MGAT4C: variants seen among roughly 807,000 people sequenced by gnomAD.
The protein encoded by MGAT4C is alpha-1,3-mannosyl-glycoprotein 4-beta-N-acetylglucosaminyltransferase C.
In MGAT4C, 19 loss-of-function variants were observed where a neutral mutation model predicts 40.1. The ratio of observed to expected loss-of-function variants is 0.47; its 90% CI spans 0.33 to 0.70. The LOEUF (loss-of-function observed/expected upper bound fraction) is 0.70, where lower values mean the gene tolerates loss of function less well. MGAT4C is among the 30% of genes least tolerant of loss of function. The pLI, the probability that MGAT4C is intolerant of heterozygous loss-of-function variation, is 0.02. For synonymous variants in MGAT4C, 181 were observed against 187.1 expected (o/e 0.97, Z 0.27); for missense variants, 491 against 563.2 (o/e 0.87, Z 1.30).
At chr12:86,621,109 A>T (rs1962621607) in intron 2 of MGAT4C, among the ~76,000 whole-genome samples, 1 of 152,110 alleles carries the variant, frequency 6.6e-6, no homozygotes, top group Non-Finnish European at 1.5e-5. Context: ...AATAAAATTT[A>T]AAAAATTATA....
chr12:86,171,363 C>T (rs1886827640), intron 1 of MGAT4C, among the ~76,000 whole-genome samples: 1 of 151,962 alleles, frequency 6.6e-6, no homozygotes, highest in African/African-American at 2.4e-5. Context: ...GAGTGAAATT[C>T]CATCTCAAAA....
intron 1 of MGAT4C, among the ~76,000 whole-genome samples, chr12:86,247,049 T>C (rs1952067738): frequency 6.6e-6 from 1 of 152,198 alleles, no homozygotes; most frequent in Admixed American, 6.5e-5. Context: ...ATGATGAGTC[T>C]GTATCTCTTC....
intron 1 of MGAT4C, among the ~76,000 whole-genome samples, chr12:86,058,329 T>C (rs914884113): frequency 6.6e-6 from 1 of 152,114 alleles, no homozygotes; most frequent in African/African-American, 2.4e-5. Context: ...AAAAAATCTA[T>C]AAAATATTTT....
At position 86,484,423 on chromosome 12, in the gene MGAT4C, C is replaced by T. The variant is rs148509021; in HGVS notation, c.-228-49158G>A. On this transcript the variant is annotated intron_variant, in intron 2 of 7. Coordinates refer to the MGAT4C transcript ENST00000548651. ...GCCCCTCCCTGGCTACTCTCACAGACGTATGTGCACAGTACAGCCTCTGCT... is the reference window on the plus strand; with the variant it reads ...GCCCCTCCCTGGCTACTCTCACAGATGTATGTGCACAGTACAGCCTCTGCT... 3.4e-3 allele frequency among the ~76,000 whole-genome samples: 524 copies of T among 152,340 alleles called. 3 individuals are homozygous for T. Among genetic ancestry groups the T allele is most frequent in the African/African-American group, 0.012 (479 of 41,588 alleles).
At chr12:86,384,762 G>A (rs540199970) in intron 3 of MGAT4C, among the ~76,000 whole-genome samples, 9 of 152,194 alleles carry the variant, frequency 5.9e-5, no homozygotes, top group Non-Finnish European at 8.8e-5. Context: ...TCTGTTTAAC[G>A]TCCAGTAATC....
intron 1 of MGAT4C, among the ~76,000 whole-genome samples, chr12:86,805,321 G>A (rs1952330554): frequency 6.6e-6 from 1 of 151,670 alleles, no homozygotes; most frequent in African/African-American, 2.4e-5. Context: ...TATCACCCAG[G>A]TACTGAGCAT....
rs1401538098 is a variant in MGAT4C at position 85,983,666 on chromosome 12, C to T, written c.152G>A (p.Gly51Glu). 8.3e-6 allele frequency: 13 copies of T among 1,565,298 alleles called. No homozygotes were observed. The highest frequency in any genetic ancestry group is 1.0e-5 in the Non-Finnish European group (12 of 1,158,618). ...LYIEDSYVLE[G>E]DKQLIRETST... The stretch of plus-strand genomic sequence containing the variant: ...TGTTTCCCTTATAAGTTGTTTGTCT[C>T]CTTCCTAAATACCAAGAAAGAAGCA... Residue 51 changes from glycine to glutamate, a missense_variant, in exon 4 of 5, where the codon GGA becomes GAA. By Grantham distance (98) the Gly-to-Glu change is moderately conservative. Coordinates refer to ENST00000611864, the MANE Select transcript of MGAT4C (RefSeq NM_001351288.2).
At chr12:86,159,603 A>G (rs1000761955) in intron 1 of MGAT4C, among the ~76,000 whole-genome samples, 31 of 151,178 alleles carry the variant, frequency 2.1e-4, no homozygotes, top group African/African-American at 7.5e-4. Flanking sequence ...GAATTGGTAT[A>G]TTTTTTTTCT....
intron 2 of MGAT4C, among the ~76,000 whole-genome samples, chr12:86,601,877 C>T (rs373177153): frequency 4.6e-5 from 7 of 152,316 alleles, no homozygotes; most frequent in African/African-American, 1.7e-4. Context: ...TCTGGGAGTC[C>T]ATGCCTTCAG....
intron 2 of MGAT4C, among the ~76,000 whole-genome samples, chr12:86,593,269 T>G (rs1200146239): frequency 6.6e-6 from 1 of 152,104 alleles, no homozygotes; most frequent in African/African-American, 2.4e-5. Flanking sequence ...TTAAGTATTT[T>G]TTTTTTGGTC....
chr12:86,257,471 C>T (rs188139326), upstream of MGAT4C, among the ~76,000 whole-genome samples: 43 of 152,274 alleles, frequency 2.8e-4, no homozygotes, highest in East Asian at 7.9e-3. Context: ...GCTCAGCATG[C>T]GAACAGTACA....
At chr12:86,256,032 T>C (rs1952501840) in intron 1 of MGAT4C, among the ~76,000 whole-genome samples, 1 of 152,158 alleles carries the variant, frequency 6.6e-6, no homozygotes, top group Non-Finnish European at 1.5e-5. Context: ...GCCTTTCATT[T>C]TCTGCTGCAA....
In MGAT4C at chr12:85,977,790, A is replaced by T. The variant is rs1252373166; in HGVS notation, c.*1499T>A. 2.2e-5 allele frequency: 1 copy of T among 45,558 alleles called. No individual in the cohort carries two copies. The highest frequency in any genetic ancestry group is 2.6e-4 in the Admixed American group (1 of 3,846). 2.8% of individuals were successfully genotyped at this position (45,558 alleles called of 1,614,324 possible). On this transcript the variant is annotated 3_prime_UTR_variant, in exon 5 of 5. Coordinates refer to ENST00000611864, the MANE Select transcript of MGAT4C (RefSeq NM_001351288.2). ...GCAAAAGTCTAGCCTTCACACACAC[A>T]CACACACACACACACACACACACAC...
rs533463564 is a variant in MGAT4C at position 86,343,531 on chromosome 12, T to C, written c.-119-9404A>G. On this transcript the variant is annotated intron_variant, in intron 3 of 7. Transcript: ENST00000548651. Reference sequence around the variant, plus strand: ...TATTGTATATTTTCCTTTAAGCCTATTGCCCAAAAATTCTAAACAAGGGAA... The same window carrying C: ...TATTGTATATTTTCCTTTAAGCCTACTGCCCAAAAATTCTAAACAAGGGAA... Among the ~76,000 whole-genome samples the C allele has an allele frequency of 1.2e-4, 18 of 152,304 alleles. No homozygotes were observed. In the South Asian group the frequency reaches 3.1e-3, roughly 26 times the overall value.
At chr12:86,075,797 C>T (rs747780566) in intron 1 of MGAT4C, among the ~76,000 whole-genome samples, 1 of 152,218 alleles carries the variant, frequency 6.6e-6, no homozygotes, top group East Asian at 1.9e-4. Flanking sequence ...CCCCTTTCAG[C>T]CACAGCTGGA....
At chr12:86,411,833 T>C (rs1278649107) in intron 3 of MGAT4C, among the ~76,000 whole-genome samples, 1 of 152,074 alleles carries the variant, frequency 6.6e-6, no homozygotes, top group East Asian at 1.9e-4. Flanking sequence ...AGGACTAGGA[T>C]TGAAGAATGG....
chr12:85,982,671 T>A (rs1056166152), intron 4 of MGAT4C, among the ~76,000 whole-genome samples: 1 of 152,262 alleles, frequency 6.6e-6, no homozygotes, highest in East Asian at 1.9e-4. Context: ...TCCAAATATA[T>A]TTTTTTAACT....
At chr12:86,807,460 C>A (rs893583085) in intron 1 of MGAT4C, among the ~76,000 whole-genome samples, 1 of 151,902 alleles carries the variant, frequency 6.6e-6, no homozygotes, top group Admixed American at 6.6e-5. Context: ...GATTTTATTC[C>A]TTTTTTGTGG....
rs1047112099 is a variant in MGAT4C, at chr12:85,971,518, A to G, written c.*7771T>C. On this transcript the variant is annotated 3_prime_UTR_variant, in exon 5 of 5. Transcript: ENST00000611864. ...CAAACATCTCATTGTAGTTCATCCC[A>G]TGGCAGAAAAGTGTTTATCCACTTA... 4.0e-5 allele frequency: 6 copies of G among 151,298 alleles called. No individual in the cohort carries two copies. Among genetic ancestry groups the G allele is most frequent in the African/African-American group, 9.7e-5 (4 of 41,384 alleles). 9.4% of individuals were successfully genotyped at this position (151,298 alleles called of 1,614,324 possible).
Sources: allele counts gnomAD v4.1 joint callset (sites outside exome capture counted in the v4.1 genomes callset), GRCh38; gene constraint gnomAD v4.1.1; transcripts MANE v1.5; gene names NCBI Gene and HGNC (gene_info 2026-07-23, HGNC 2026-07-21).